UGT1A7: variants seen among roughly 807,000 people sequenced by gnomAD.
The protein encoded by UGT1A7 is UDP-glucuronosyltransferase 1A7.
Under a neutral mutation model 45.6 loss-of-function variants are expected in UGT1A7, and 33 were observed. The ratio of observed to expected loss-of-function variants is 0.72; its 90% CI spans 0.55 to 0.97. UGT1A7 has a LOEUF of 0.97. Among genes scored for constraint, UGT1A7 ranks in the 50% least tolerant of loss-of-function variants. The pLI is 0.00. For missense variants in UGT1A7, 684 were observed against 666.2 expected (o/e 1.03, Z -0.29); for synonymous variants, 274 against 250.6 (o/e 1.09, Z -0.88).
chr2:233,710,241 C>T (rs529654756), intron 1 of UGT1A7, among the ~76,000 whole-genome samples: 19 of 152,204 alleles, frequency 1.2e-4, no homozygotes, highest in East Asian at 9.6e-4. Context: ...TATTCGAGTA[C>T]GAGTGTTTCT....
chr2:233,744,852 T>C (rs17864703), intron 1 of UGT1A7, among the ~76,000 whole-genome samples: 15 of 152,070 alleles, frequency 9.9e-5, no homozygotes, highest in Non-Finnish European at 1.3e-4. Flanking sequence ...AGAGTAGTCC[T>C]TGGTATTCTG....
chr2:233,701,292 C>T (rs1285493084), intron 1 of UGT1A7, among the ~76,000 whole-genome samples: 1 of 152,100 alleles, frequency 6.6e-6, no homozygotes. Context: ...GAGGAATCGC[C>T]ACACTGTCTT....
intron 1 of UGT1A7, among the ~76,000 whole-genome samples, chr2:233,750,888 T>C (rs577435588): frequency 6.6e-6 from 1 of 152,002 alleles, no homozygotes; most frequent in South Asian, 2.1e-4. Context: ...GGAGCCCTTA[T>C]AGAGAACCTC....
chr2:233,755,381 T>A (rs759849144), intron 1 of UGT1A7: 1 of 348,720 alleles, frequency 2.9e-6, no homozygotes, highest in Non-Finnish European at 5.6e-6. Flanking sequence ...GGCCGCCCCT[T>A]ATGACGCAGC....
intron 1 of UGT1A7, chr2:233,691,864 GA>G (rs1433694796): frequency 6.4e-6 from 1 of 157,024 alleles, no homozygotes; most frequent in Non-Finnish European, 1.4e-5. Context: ...TGTATAATAA[GA>G]AATATATGTT....
chr2:233,693,246 C>T (rs747771330), intron 1 of UGT1A7: 21 of 1,613,944 alleles, frequency 1.3e-5, no homozygotes, highest in African/African-American at 6.7e-5. Context: ...TATCCAGTGC[C>T]GTATGACCAA....
At chr2:233,690,390 C>A in intron 1 of UGT1A7, 1 of 1,083,920 alleles carries the variant, frequency 9.2e-7, no homozygotes, top group Non-Finnish European at 1.2e-6. Context: ...CGTTTCCAGA[C>A]CTTCCTATTC....
At chr2:233,718,319 T>C (rs1258120850) in intron 1 of UGT1A7, among the ~76,000 whole-genome samples, 1 of 152,270 alleles carries the variant, frequency 6.6e-6, no homozygotes, top group Non-Finnish European at 1.5e-5. Flanking sequence ...TAGAGAAAGC[T>C]GGCTTAGCAA....
intron 1 of UGT1A7, among the ~76,000 whole-genome samples, chr2:233,731,040 C>T (rs1274870309): frequency 2.6e-5 from 4 of 152,166 alleles, no homozygotes; most frequent in African/African-American, 9.7e-5. Flanking sequence ...ATGTCATATT[C>T]ACCGAATGTG....
chr2:233,726,757 A>G (rs544235681), intron 1 of UGT1A7, among the ~76,000 whole-genome samples: 1 of 152,352 alleles, frequency 6.6e-6, no homozygotes, highest in African/African-American at 2.4e-5. Flanking sequence ...TCTGCCTACC[A>G]CAGACACTAA....
intron 1 of UGT1A7, chr2:233,729,148 C>A: frequency 6.2e-7 from 1 of 1,613,474 alleles, no homozygotes; most frequent in Non-Finnish European, 8.5e-7. Flanking sequence ...ACTCCAGGTT[C>A]CCCTGCCGTG....
chr2:233,749,815 C>T (rs1374657225), intron 1 of UGT1A7, among the ~76,000 whole-genome samples: 1 of 151,874 alleles, frequency 6.6e-6, no homozygotes, highest in African/African-American at 2.4e-5. Flanking sequence ...AGCTCTTCCT[C>T]TTTCTCTCTT....
intron 1 of UGT1A7, among the ~76,000 whole-genome samples, chr2:233,706,841 A>G (rs1197973943): frequency 6.6e-6 from 1 of 152,232 alleles, no homozygotes; most frequent in East Asian, 1.9e-4. Flanking sequence ...TAAACACCTC[A>G]GCAGTCTTTA....
At position 233,713,135 on chromosome 2, in the gene UGT1A7, G is replaced by T. The variant is rs772419709; in HGVS notation, c.855+30343G>T. Reference sequence around the variant, plus strand: ...ACTGGCTCAGCATGCGGGAGGCCTTGCGGGACCTCCATGCGAGAGGCCACC... The same window carrying T: ...ACTGGCTCAGCATGCGGGAGGCCTTTCGGGACCTCCATGCGAGAGGCCACC... On this transcript the variant is annotated intron_variant, in intron 1 of 4. Transcript: ENST00000373426. 3 of 1,614,216 alleles carry T rather than the reference G, an allele frequency of 1.9e-6. No homozygotes were observed. In the South Asian group the frequency reaches 3.3e-5, roughly 18 times the overall value.
intron 1 of UGT1A7, chr2:233,755,200 G>C: frequency 9.0e-7 from 1 of 1,105,698 alleles, no homozygotes; most frequent in Non-Finnish European, 1.3e-6. Context: ...GCCAGCTTGC[G>C]GTACGCCTTC....
chr2:233,741,715 A>AG (rs2125837750), intron 1 of UGT1A7: 1 of 152,002 alleles, frequency 6.6e-6, no homozygotes, highest in African/African-American at 2.4e-5. Context: ...TGAGGGTTCT[A>AG]GAGCATATCC....
At chr2:233,703,689 C>A (rs1367927278) in intron 1 of UGT1A7, among the ~76,000 whole-genome samples, 1 of 152,028 alleles carries the variant, frequency 6.6e-6, no homozygotes, top group Middle Eastern at 3.2e-3. Context: ...TTTTTTTCCA[C>A]CATTTAACTT....
chr2:233,715,359 CTT>C (rs892962742), intron 1 of UGT1A7, among the ~76,000 whole-genome samples: 5 of 150,138 alleles, frequency 3.3e-5, no homozygotes, highest in Non-Finnish European at 7.4e-5. Context: ...AGGTTTGAGA[CTT>C]ATATTTTCTT....
chr2:233,763,382 T>G (rs1698295022), intron 1 of UGT1A7, among the ~76,000 whole-genome samples: 1 of 152,252 alleles, frequency 6.6e-6, no homozygotes, highest in South Asian at 2.1e-4. Context: ...GCTTTCTTCC[T>G]TTTTAAACAA....
Sources: allele counts gnomAD v4.1 joint callset (sites outside exome capture counted in the v4.1 genomes callset), GRCh38; gene constraint gnomAD v4.1.1; transcripts MANE v1.5; gene names NCBI Gene and HGNC (gene_info 2026-07-23, HGNC 2026-07-21).